ZFR: variants seen among roughly 807,000 people sequenced by gnomAD.
The protein encoded by ZFR is zinc finger RNA binding protein, also known as zinc finger RNA-binding protein.
In ZFR, 19 loss-of-function variants were observed where a neutral mutation model predicts 130.7. The ratio of observed to expected loss-of-function variants is 0.15; its 90% CI spans 0.10 to 0.21. The LOEUF (loss-of-function observed/expected upper bound fraction) is 0.21. ZFR is among the 10% of genes least tolerant of loss of function. The probability of loss-of-function intolerance (pLI) is 1.00; values close to 1 mark genes in which losing one functional copy is unlikely to be tolerated. For synonymous variants in ZFR, 466 were observed against 456.9 expected (o/e 1.02, Z -0.25); for missense variants, 872 against 1,321.5 (o/e 0.66, Z 5.27).
chr5:32,439,804 TAAAAAAA>T lies in ZFR; in HGVS notation c.137+4418_137+4424del, dbSNP rs11446399. The stretch of plus-strand genomic sequence containing the variant: ...GGGTGAGAGAGCGAGACCATGTCTT[TAAAAAAA>T]AAAAAAAAAAAAAAAAAGCCTCAAA... On this transcript the variant is annotated intron_variant, in intron 2 of 19. Coordinates refer to ENST00000265069, the MANE Select transcript of ZFR (RefSeq NM_016107.5). 2.1e-4 allele frequency among the ~76,000 whole-genome samples: 15 copies of T among 72,454 alleles called. No homozygotes were observed. In the East Asian group the frequency reaches 3.4e-3, roughly 16 times the overall value. 47.5% of individuals were successfully genotyped at this position (72,454 alleles called of 152,430 possible).
In ZFR at chr5:32,419,915, T is replaced by C; in HGVS notation, c.326A>G (p.Tyr109Cys). Residue 109 changes from tyrosine to cysteine, a missense_variant, in exon 3 of 20, where the codon TAC becomes TGC. Physicochemically the swap from Tyr to Cys is radical, Grantham distance 194. This residue lies in a region of ZFR where 240 missense variants were observed against 441.2 expected (regional missense o/e 0.54). Coordinates refer to ENST00000265069, the MANE Select transcript of ZFR (RefSeq NM_016107.5). ...GTCAGTTGCTGTGTGTGCAGTGGGG[T>C]AGCCTCCATAAGCAGCAGCTGTTGC... ...AAATAAAYGG[Y>C]PTAHTATDYG... 3 of 1,613,904 alleles carry C rather than the reference T, an allele frequency of 1.9e-6. No homozygotes were observed. The highest frequency in any genetic ancestry group is 2.5e-6 in the Non-Finnish European group (3 of 1,179,954).
In ZFR at chr5:32,400,217, A is replaced by G. The variant is rs761502720; in HGVS notation, c.1517-14T>C. The G allele has an allele frequency of 1.3e-6, 2 of 1,535,498 alleles. No individual in the cohort carries two copies. Among genetic ancestry groups the G allele is most frequent in the Admixed American group, 2.2e-5 (1 of 45,676 alleles). ...GCTTATTACCACCTAGAAAAGTATC[A>G]AAAAGTTAAAAAAAATTTTATTTTT... On this transcript the variant is annotated splice_polypyrimidine_tract_variant and intron_variant, in intron 8 of 19. Transcript: ENST00000265069.
chr5:32,405,183 C>A (rs914688823), intron 6 of ZFR, among the ~76,000 whole-genome samples: 2 of 152,164 alleles, frequency 1.3e-5, no homozygotes, highest in Non-Finnish European at 2.9e-5. Context: ...CTCCACCAAG[C>A]AGTCTGAGCC....
chr5:32,403,902 C>G lies in ZFR; in HGVS notation c.1224+4G>C. 2 of 1,562,050 alleles carry G rather than the reference C, an allele frequency of 1.3e-6. No individual in the cohort carries two copies. Among genetic ancestry groups the G allele is most frequent in the Admixed American group, 1.9e-5 (1 of 52,162 alleles). ...ATAAGGGTGTGTGGGAAAAAAACAC[C>G]TACTTTCTGATGCTTAGCACCACGA... On this transcript the variant is annotated splice_donor_region_variant and intron_variant, in intron 7 of 19. Transcript: ENST00000265069.
At chr5:32,413,538 T>C (rs377717190) in intron 5 of ZFR, among the ~76,000 whole-genome samples, 1 of 151,820 alleles carries the variant, frequency 6.6e-6, no homozygotes, top group African/African-American at 2.4e-5. Flanking sequence ...ATATTACTCA[T>C]GTAAATAAAA....
chr5:32,409,441 T>C (rs1048929548), intron 5 of ZFR, among the ~76,000 whole-genome samples: 58 of 152,036 alleles, frequency 3.8e-4, no homozygotes, highest in Admixed American at 1.0e-3. Context: ...CCATTTTTTT[T>C]TTTGCCCAGG....
In ZFR at chr5:32,422,798, CAAAA is replaced by C. The variant is rs10693151; in HGVS notation, c.138-2699_138-2696del. Among the ~76,000 whole-genome samples, 42 of 24,006 alleles carry C rather than the reference CAAAA, an allele frequency of 1.7e-3. No homozygotes were observed. The South Asian group carries it at 0.051, about 29-fold the overall frequency. 15.7% of individuals were successfully genotyped at this position (24,006 alleles called of 152,430 possible). A position where few individuals can be genotyped will look rare whatever the true frequency, so the allele number is the denominator to read the frequency against. On this transcript the variant is annotated intron_variant, in intron 2 of 19. Coordinates refer to ENST00000265069, the MANE Select transcript of ZFR (RefSeq NM_016107.5). ...CTGGATGACAGAGTAAAACCTGTCT[CAAAA>C]AAAAAAAAAAAAAAAAAAAAGGAAG...
At chr5:32,434,530 T>C (rs1754292482) in intron 2 of ZFR, among the ~76,000 whole-genome samples, 1 of 152,252 alleles carries the variant, frequency 6.6e-6, no homozygotes, top group African/African-American at 2.4e-5. Context: ...TGAAAGAAGA[T>C]ATGATACTTG....
intron 2 of ZFR, among the ~76,000 whole-genome samples, chr5:32,421,786 T>C (rs766300872): frequency 5.3e-5 from 8 of 152,078 alleles, no homozygotes; most frequent in Non-Finnish European, 1.0e-4. Context: ...CTGGATGAGG[T>C]TTCCATATTT....
Position 32,406,973 on chromosome 5 carries a change from G to C in ZFR, c.833C>G (p.Ser278Cys). 6.3e-7 allele frequency: 1 copy of C among 1,585,434 alleles called. No individual in the cohort carries two copies. Among genetic ancestry groups the C allele is most frequent in the Non-Finnish European group, 8.5e-7 (1 of 1,171,846 alleles). Residue 278 changes from serine (S) to cysteine (C), a missense_variant, in exon 6 of 20, where the codon TCC becomes TGC. By Grantham distance (112) the Ser-to-Cys change is moderately radical (BLOSUM62 -1). This residue lies in a region of ZFR where 240 missense variants were observed against 441.2 expected (regional missense o/e 0.54). Transcript: ENST00000265069. ...TTGCTGCTGCTGCTGTTGATAGTAGGAAGATGCAGCTGAATACACTGCTGC... is the reference window on the plus strand; with the variant it reads ...TTGCTGCTGCTGCTGTTGATAGTAGCAAGATGCAGCTGAATACACTGCTGC... ...YEAAVYSAAS[S>C]YYQQQQQQQK...
intron 11 of ZFR, among the ~76,000 whole-genome samples, chr5:32,392,601 T>C (rs1753208022): frequency 6.6e-6 from 1 of 152,098 alleles, no homozygotes; most frequent in South Asian, 2.1e-4. Flanking sequence ...ATTTAATTGG[T>C]AGAGATTTTA....
intron 2 of ZFR, 80 bp from the exon 3 acceptor site, chr5:32,420,183 A>G: frequency 7.4e-7 from 1 of 1,344,496 alleles, no homozygotes; most frequent in South Asian, 2.3e-5. Flanking sequence ...AAGCTATTCA[A>G]CTGAAATAAA....
chr5:32,361,282 CT>C (rs1752425487), intron 19 of ZFR, among the ~76,000 whole-genome samples: 1 of 152,208 alleles, frequency 6.6e-6, no homozygotes, highest in Non-Finnish European at 1.5e-5. Context: ...GCTCATACAC[CT>C]GCTTTGAAAA....
intron 17 of ZFR, among the ~76,000 whole-genome samples, chr5:32,370,089 A>ATTTTTTTTTTTTTTTTTTTTTTTTTTT (rs933446377): frequency 8.2e-6 from 1 of 121,946 alleles, no homozygotes. Flanking sequence ...ACAGTGGCAG[A>ATTTTTTTTTTTTTTTTTTTTTTTTTTT]TTTTTTTTTT....
At chr5:32,380,822 G>A (rs1752920343) in intron 15 of ZFR, among the ~76,000 whole-genome samples, 1 of 151,518 alleles carries the variant, frequency 6.6e-6, no homozygotes, top group Non-Finnish European at 1.5e-5. Context: ...CTAATTTTTT[G>A]TATTTTTAGT....
chr5:32,395,984 G>A (rs1186514228), intron 10 of ZFR, among the ~76,000 whole-genome samples: 1 of 152,150 alleles, frequency 6.6e-6, no homozygotes, highest in Non-Finnish European at 1.5e-5. Flanking sequence ...CACTTTGGGA[G>A]GCCAAGGAAG....
At chr5:32,394,841 T>C (rs1581694893) in intron 11 of ZFR, among the ~76,000 whole-genome samples, 1 of 152,224 alleles carries the variant, frequency 6.6e-6, no homozygotes, top group Non-Finnish European at 1.5e-5. Flanking sequence ...CTTATACTTC[T>C]ATCAGGAAAT....
chr5:32,433,214 G>A (rs1480741150), intron 2 of ZFR, among the ~76,000 whole-genome samples: 2 of 151,888 alleles, frequency 1.3e-5, no homozygotes, highest in South Asian at 2.1e-4. Flanking sequence ...TGCGTCCACT[G>A]GATCTTTTAA....
intron 3 of ZFR, among the ~76,000 whole-genome samples, chr5:32,419,220 A>G (rs1442732375): frequency 6.6e-6 from 1 of 152,268 alleles, no homozygotes; most frequent in Non-Finnish European, 1.5e-5. Context: ...AACTTGGGGT[A>G]AACAATGAAA....
Sources: gnomAD v4.1 joint callset for allele counts (sites outside exome capture counted in the v4.1 genomes callset) on GRCh38, gnomAD v4.1.1 for gene constraint, gnomAD v4.1.1 regional missense constraint, MANE v1.5 for transcripts, NCBI Gene and HGNC (gene_info 2026-07-23, HGNC 2026-07-21) for gene names.